Variants in SMARCA4 observed in about 807,000 individuals in gnomAD.
The protein encoded by SMARCA4 is SWI/SNF-related matrix-associated actin-dependent regulator of chromatin subfamily A member 4.
SMARCA4 carries 31 observed loss-of-function variants against 193.9 expected under a neutral mutation model. The observed-to-expected ratio is 0.16, with a 90% CI of 0.12 to 0.22. The LOEUF (loss-of-function observed/expected upper bound fraction) is 0.22, where lower values mean the gene tolerates loss of function less well. Ranked by LOEUF, SMARCA4 falls within the 10% of genes least tolerant of loss-of-function variation. SMARCA4 has a pLI of 1.00. For synonymous variants in SMARCA4, 942 were observed against 933.1 expected, an observed-to-expected ratio of 1.01 and a Z score of -0.17; for missense variants, 1,148 against 2,296.0, an observed-to-expected ratio of 0.50 and a Z score of 10.22.
At chr19:11,004,132 T>C (rs2087937820) in intron 13 of SMARCA4, among the ~76,000 whole-genome samples, 2 of 152,172 alleles carry the variant, frequency 1.3e-5, no homozygotes, top group Admixed American at 1.3e-4. Context: ...TTCTCCTGCC[T>C]CAGCCTCCCT....
chr19:11,003,760 G>T (rs2087890304), intron 13 of SMARCA4, among the ~76,000 whole-genome samples: 1 of 146,870 alleles, frequency 6.8e-6, no homozygotes. Context: ...CACCCAGGCT[G>T]GAGTGCACTG....
chr19:10,961,972 A>ATTT lies in SMARCA4; in HGVS notation c.-32+816_-32+818dup, dbSNP rs1291248772. Among the ~76,000 whole-genome samples the ATTT allele has an allele frequency of 1.0e-3, 122 of 121,756 alleles. 2 individuals are homozygous for ATTT. The Middle Eastern group carries it at 0.013, about 13-fold the overall frequency. The allele number at this position is 121,756 out of a possible 152,430, so 79.9% of individuals were successfully genotyped here. A position where few individuals can be genotyped will look rare whatever the true frequency, so the allele number is the denominator to read the frequency against. ...CCCGATCTTGAAGATACCAGTCTTG[A>ATTT]TTTTTTTTTTTTTTTTTTTTGGTCA... is the stretch of plus-strand genomic sequence containing the variant. On this transcript the variant is annotated intron_variant, in intron 1 of 34. Transcript: ENST00000344626.
chr19:11,057,892 C>T (rs1052576325), intron 30 of SMARCA4, among the ~76,000 whole-genome samples: 2 of 151,866 alleles, frequency 1.3e-5, no homozygotes, highest in African/African-American at 4.8e-5. Context: ...CACCTGAGGT[C>T]GGGAGTTTGA....
chr19:11,042,840 A>G (rs1165803643), intron 30 of SMARCA4, among the ~76,000 whole-genome samples: 1 of 151,742 alleles, frequency 6.6e-6, no homozygotes. Flanking sequence ...TAGGAAAACA[A>G]TTACCTGGGC....
intron 1 of SMARCA4, among the ~76,000 whole-genome samples, chr19:10,973,001 T>C (rs2084804038): frequency 1.3e-5 from 2 of 151,060 alleles, no homozygotes; most frequent in Admixed American, 6.6e-5. Flanking sequence ...TCCAGCTACT[T>C]GGGAGGCCGG....
intron 16 of SMARCA4, 55 bp downstream of exon 16, chr19:11,013,167 GT>G (rs1600211133): frequency 1.3e-6 from 2 of 1,589,192 alleles, no homozygotes; most frequent in East Asian, 4.5e-5. Flanking sequence ...TCCTGTGTTT[GT>G]TTCCTAAGTT....
intron 7 of SMARCA4, among the ~76,000 whole-genome samples, chr19:10,990,699 C>T (rs1386513735): frequency 6.6e-6 from 1 of 152,232 alleles, no homozygotes; most frequent in Non-Finnish European, 1.5e-5. Flanking sequence ...AGGCATGAGC[C>T]ACTGCTCCTG....
chr19:11,024,267 C>A, intron 20 of SMARCA4, 64 bp from the exon 21 acceptor site: 1 of 1,133,506 alleles, frequency 8.8e-7, no homozygotes, highest in East Asian at 2.3e-5. Flanking sequence ...GAGCTGGGTT[C>A]GGATGGGGGG....
chr19:10,974,769 C>T (rs1333302963), intron 1 of SMARCA4, among the ~76,000 whole-genome samples: 17 of 116,194 alleles, frequency 1.5e-4, no homozygotes, highest in East Asian at 2.9e-4. Flanking sequence ...AGCTGTGGTG[C>T]GATCTTGGCT....
intron 15 of SMARCA4, chr19:11,012,422 C>A (rs574717044): frequency 5.4e-6 from 1 of 185,792 alleles, no homozygotes; most frequent in Non-Finnish European, 1.2e-5. Flanking sequence ...CAATCCATTA[C>A]GAACATTTCC....
intron 30 of SMARCA4, among the ~76,000 whole-genome samples, chr19:11,043,802 C>A (rs1376358837): frequency 1.3e-5 from 2 of 152,188 alleles, no homozygotes; most frequent in Admixed American, 6.5e-5. Context: ...GGCAAAACCC[C>A]ATCTCTACAA....
chr19:11,008,460 C>A (rs542384426), intron 14 of SMARCA4: 25 of 318,130 alleles, frequency 7.9e-5, no homozygotes, highest in African/African-American at 5.2e-4. Flanking sequence ...TTCACTGAAC[C>A]TTCCCTCTTG....
intron 11 of SMARCA4, among the ~76,000 whole-genome samples, chr19:10,997,368 T>C (rs1482448367): frequency 6.6e-6 from 1 of 151,724 alleles, no homozygotes; most frequent in Non-Finnish European, 1.5e-5. Context: ...CCGGCTAATT[T>C]TTTGTGTTTT....
rs756224211 is a variant in SMARCA4 at position 10,986,580 on chromosome 19, C to T, written c.747C>T (p.Tyr249=). ...GTCCCGGCCCGGCACCTCCAAATTA[C>T]AGCAGGCCTCATGGTAAGACTGGCT... ...GPGPGPAPPN[Y]SRPHGMGGPN... is the part of the protein sequence containing the mutation. Residue 249 remains tyrosine (Y), a synonymous_variant, in exon 4 of 35, where the codon TAC becomes TAT. Coordinates refer to ENST00000344626, the MANE Select transcript of SMARCA4 (RefSeq NM_003072.5). This position sits in a 1 kb window ranked among gnomAD's most constrained non-coding sequence, Gnocchi z 6.7. 2.3e-4 allele frequency: 357 copies of T among 1,536,452 alleles called. No individual in the cohort carries two copies. Among genetic ancestry groups the T allele is most frequent in the Middle Eastern group, 1.0e-3 (6 of 5,968 alleles).
intron 30 of SMARCA4, among the ~76,000 whole-genome samples, chr19:11,050,768 C>T (rs2076212990): frequency 6.6e-6 from 1 of 152,276 alleles, no homozygotes; most frequent in African/African-American, 2.4e-5. Context: ...GTTTGTCACA[C>T]TCCTTCAAGC....
chr19:10,994,968 G>A lies in SMARCA4; in HGVS notation c.1560G>A (p.Glu520=), dbSNP rs1555762139. The A allele has an allele frequency of 1.9e-6, 3 of 1,613,916 alleles. No individual in the cohort carries two copies. The highest frequency in any genetic ancestry group is 2.5e-6 in the Non-Finnish European group (3 of 1,179,890). Residue 520 remains glutamate, a synonymous_variant, in exon 9 of 35, where the codon GAG becomes GAA. Transcript: ENST00000344626. ...NTEREQKKEN[E]RIEKERMRRL... is the part of the protein sequence containing the mutation. ...AGCGGGAGCAGAAGAAAGAGAACGA[G>A]CGGATCGAGAAGGAGCGCATGCGGA...
At chr19:10,969,556 G>A (rs1228901190) in intron 1 of SMARCA4, among the ~76,000 whole-genome samples, 1 of 151,730 alleles carries the variant, frequency 6.6e-6, no homozygotes, top group Non-Finnish European at 1.5e-5. Flanking sequence ...TCAGCCTCCC[G>A]AGTAGCTGGG....
chr19:11,026,170 C>T (rs1201660684), intron 22 of SMARCA4, 130 bp from the exon 23 acceptor site: 8 of 769,452 alleles, frequency 1.0e-5, no homozygotes, highest in Middle Eastern at 3.3e-4. Flanking sequence ...GTCTCAGAGC[C>T]GCCGTGGGCC....
chr19:10,998,026 C>G (rs372264671), intron 11 of SMARCA4, among the ~76,000 whole-genome samples: 1 of 152,092 alleles, frequency 6.6e-6, no homozygotes, highest in African/African-American at 2.4e-5. Context: ...TCCCTTTAGT[C>G]AGCTTTAGTC....
Sources: allele counts gnomAD v4.1 joint callset (sites outside exome capture counted in the v4.1 genomes callset), GRCh38; gene constraint gnomAD v4.1.1; non-coding constraint Gnocchi (gnomAD v3.1); transcripts MANE v1.5; gene names NCBI Gene and HGNC (gene_info 2026-07-23, HGNC 2026-07-21).